Variants in MTA1 observed in about 807,000 individuals in gnomAD.
MTA1 encodes metastasis associated 1, also known as metastasis-associated protein MTA1.
In MTA1, 15 loss-of-function variants were observed where a neutral mutation model predicts 97.0. The ratio of observed to expected loss-of-function variants is 0.15; its 90% confidence interval spans 0.10 to 0.24. The LOEUF is 0.24. Ranked by LOEUF, MTA1 falls within the 10% of genes least tolerant of loss-of-function variation. The pLI, the probability that MTA1 is intolerant of heterozygous loss-of-function variation, is 1.00. For missense variants in MTA1, 709 were observed against 1,015.1 expected, an observed-to-expected ratio of 0.70 and a Z score of 4.10; for synonymous variants, 435 against 417.5, an observed-to-expected ratio of 1.04 and a Z score of -0.51.
chr14:105,427,938 C>G (rs1387122300), intron 1 of MTA1, among the ~76,000 whole-genome samples: 1 of 143,446 alleles, frequency 7.0e-6, no homozygotes, highest in Non-Finnish European at 1.5e-5. Context: ...GAATCACTTG[C>G]GTGCAGGACG....
Position 105,449,274 on chromosome 14 carries a change from C to T in MTA1, c.191-85C>T. 18 of 1,418,944 alleles carry T rather than the reference C, an allele frequency of 1.3e-5. No individual in the cohort carries two copies. In the South Asian group the frequency reaches 2.2e-4, roughly 17 times the overall value. 87.9% of individuals were successfully genotyped at this position (1,418,944 alleles called of 1,614,324 possible). ...CGTTCTGCCCTGCCCCCTGGCGGCACAGCCCTCGGTCCGGGCCCTGGGCAG... is the reference window on the plus strand; with the variant it reads ...CGTTCTGCCCTGCCCCCTGGCGGCATAGCCCTCGGTCCGGGCCCTGGGCAG... On this transcript the variant is annotated intron_variant, in intron 3 of 20. Coordinates refer to ENST00000331320, the MANE Select transcript of MTA1 (RefSeq NM_004689.4).
intron 7 of MTA1, 192 bp downstream of exon 7, chr14:105,454,502 A>G (rs1555429448): frequency 5.8e-6 from 3 of 515,030 alleles, no homozygotes; most frequent in Non-Finnish European, 1.1e-5. Context: ...TCCCCCACCC[A>G]CTCCTGGTGG....
rs780801198 is a variant in MTA1 at position 105,458,388 on chromosome 14, G to T, written c.653+16G>T. ...TGGTGGCCCGGTGAGTCCTGCTCCT[G>T]GGCAAGGCCAGCAGGGGTGGTGCCT... On this transcript the variant is annotated intron_variant, in intron 8 of 20. Coordinates refer to ENST00000331320, the MANE Select transcript of MTA1 (RefSeq NM_004689.4). 3 of 1,609,788 alleles carry T rather than the reference G, an allele frequency of 1.9e-6. No individual in the cohort carries two copies. Among genetic ancestry groups the T allele is most frequent in the Non-Finnish European group, 2.5e-6 (3 of 1,177,610 alleles).
intron 1 of MTA1, among the ~76,000 whole-genome samples, chr14:105,437,072 C>T (rs115207982): frequency 8.5e-5 from 13 of 152,352 alleles, no homozygotes; most frequent in East Asian, 1.9e-4. Context: ...GCTCCTAGCC[C>T]GTTGTCCTGT....
chr14:105,448,393 A>T (rs1306424253), intron 3 of MTA1, among the ~76,000 whole-genome samples: 1 of 152,070 alleles, frequency 6.6e-6, no homozygotes, highest in Non-Finnish European at 1.5e-5. Context: ...CGCTGGTGAA[A>T]TGGGAGTTTC....
intron 18 of MTA1, chr14:105,467,300 G>A (rs1197009275): frequency 7.2e-6 from 3 of 416,410 alleles, no homozygotes; most frequent in East Asian, 7.1e-5. Flanking sequence ...GAGGCCAGGT[G>A]TGTGGGGCCC....
intron 1 of MTA1, among the ~76,000 whole-genome samples, chr14:105,421,375 C>G (rs1482718681): frequency 6.6e-6 from 1 of 152,210 alleles, no homozygotes; most frequent in Non-Finnish European, 1.5e-5. Flanking sequence ...CCTGGAGACC[C>G]CCCTTCCAGC....
rs781867495 is a variant in MTA1 at position 105,464,677 on chromosome 14, C to A, written c.1348C>A (p.Pro450Thr). 13 of 1,602,566 alleles carry A rather than the reference C, an allele frequency of 8.1e-6. No homozygotes were observed. Among genetic ancestry groups the A allele is most frequent in the Admixed American group, 1.7e-5 (1 of 59,492 alleles). ...RPGPNRSNMS[P>T]HGLPARSSGS... ...GCGGTTGCGCCCCCTTCCGCAGAGT[C>A]CCCACGGCCTCCCAGCCCGGAGCAG... Residue 450 changes from proline (P) to threonine (T), a missense_variant, in exon 15 of 21, where the codon CCC becomes ACC. By Grantham distance (38) the Pro-to-Thr change is conservative. This residue lies in a region of MTA1 where 388 missense variants were observed against 421.6 expected (regional missense o/e 0.92). Coordinates refer to ENST00000331320, the MANE Select transcript of MTA1 (RefSeq NM_004689.4).
Position 105,460,873 on chromosome 14 carries a change from T to C in MTA1, c.862T>C (p.Trp288Arg). Residue 288 changes from tryptophan (W) to arginine (R), a missense_variant, in exon 10 of 21, where the codon TGG becomes CGG. By Grantham distance (101) the Trp-to-Arg change is moderately radical. Around this residue, in one of 2 missense-constraint regions of MTA1, gnomAD observed 321 missense variants for 593.5 expected, o/e 0.54. Coordinates refer to ENST00000331320, the MANE Select transcript of MTA1 (RefSeq NM_004689.4). The part of the protein sequence containing the change: ...PVLCRDEMEE[W>R]SASEANLFEE... ...GCTCTGCAGGGACGAGATGGAGGAG[T>C]GGTCTGCATCAGAGGCCAACCTTTT... The C allele has an allele frequency of 6.2e-7, 1 of 1,611,780 alleles. No homozygotes were observed. The highest frequency in any genetic ancestry group is 1.3e-5 in the African/African-American group (1 of 74,664).
chr14:105,469,341 T>C (rs1350171341), intron 18 of MTA1, 126 bp from the exon 19 acceptor site: 1 of 1,076,060 alleles, frequency 9.3e-7, no homozygotes, highest in Non-Finnish European at 1.4e-6. Flanking sequence ...ATCCTGGGTG[T>C]GGGCTGTGGC....
rs189188793 is a variant in MTA1 at position 105,431,853 on chromosome 14, T to C, written c.29-6819T>C. Reference sequence around the variant, plus strand: ...GTTGGGCAGGCTGGTCTCAAACTCCTGACCTCAGGTGATCCGCCCACCTCA... The same window carrying C: ...GTTGGGCAGGCTGGTCTCAAACTCCCGACCTCAGGTGATCCGCCCACCTCA... On this transcript the variant is annotated intron_variant, in intron 1 of 20. Coordinates refer to ENST00000331320, the MANE Select transcript of MTA1 (RefSeq NM_004689.4). Among the ~76,000 whole-genome samples, 74 of 152,210 alleles carry C rather than the reference T, an allele frequency of 4.9e-4. 1 individual carries two copies. Among genetic ancestry groups the C allele is most frequent in the Middle Eastern group, 3.4e-3 (1 of 294 alleles).
At chr14:105,465,301 G>A (rs1163901106) in intron 16 of MTA1, 118 bp downstream of exon 16, 1 of 905,544 alleles carries the variant, frequency 1.1e-6, no homozygotes, top group African/African-American at 1.7e-5. Context: ...CAGCCCCCCA[G>A]GGCCTGGAAC....
intron 6 of MTA1, among the ~76,000 whole-genome samples, chr14:105,453,457 C>G (rs2083022390): frequency 6.6e-6 from 1 of 152,268 alleles, no homozygotes; most frequent in South Asian, 2.1e-4. Context: ...CCACAGTGAG[C>G]TGTGATTGCA....
chr14:105,427,837 A>G (rs1308223219), intron 1 of MTA1, among the ~76,000 whole-genome samples: 3 of 151,938 alleles, frequency 2.0e-5, no homozygotes, highest in African/African-American at 7.3e-5. Flanking sequence ...CTGACCACAC[A>G]GCAAAACCCC....
At chr14:105,433,586 G>A (rs1407963451) in intron 1 of MTA1, among the ~76,000 whole-genome samples, 2 of 152,180 alleles carry the variant, frequency 1.3e-5, no homozygotes, top group Non-Finnish European at 2.9e-5. Flanking sequence ...AGGAAAGGGA[G>A]TAGCGAGGCT....
At chr14:105,441,729 GCTTGCA>G (rs1434459426) in intron 2 of MTA1, among the ~76,000 whole-genome samples, 4 of 152,174 alleles carry the variant, frequency 2.6e-5, no homozygotes, top group Non-Finnish European at 5.9e-5. Flanking sequence ...GGGAGGTGGA[GCTTGCA>G]GTGAGCCGAG....
In MTA1 at chr14:105,460,750, T is replaced by C; in HGVS notation, c.754-15T>C. 1 of 1,558,488 alleles carries C rather than the reference T, an allele frequency of 6.4e-7. No homozygotes were observed. The highest frequency in any genetic ancestry group is 8.7e-7 in the Non-Finnish European group (1 of 1,150,322). On this transcript the variant is annotated splice_polypyrimidine_tract_variant and intron_variant, in intron 9 of 20. Coordinates refer to ENST00000331320, the MANE Select transcript of MTA1 (RefSeq NM_004689.4). ...GCCACCTTGGCCCGGGTGACCCTGC[T>C]GTCTCCTGCCGCAGTTCCACGCCAT...
chr14:105,449,007 A>C, intron 3 of MTA1: 1 of 251,562 alleles, frequency 4.0e-6, no homozygotes, highest in East Asian at 8.4e-5. Context: ...CAGGGCAGGA[A>C]TCCCCATGCT....
intron 18 of MTA1, chr14:105,468,472 A>G (rs948050160): frequency 6.3e-6 from 6 of 946,380 alleles, no homozygotes; most frequent in Middle Eastern, 3.0e-4. Flanking sequence ...CCCCCACCTG[A>G]CCCTGCCCGG....
Sources: gnomAD v4.1 joint callset for allele counts (sites outside exome capture counted in the v4.1 genomes callset) on GRCh38, gnomAD v4.1.1 for gene constraint, gnomAD v4.1.1 regional missense constraint, MANE v1.5 for transcripts, NCBI Gene and HGNC (gene_info 2026-07-23, HGNC 2026-07-21) for gene names.